Variants in ROBO2 observed in about 807,000 individuals in gnomAD.
The protein encoded by ROBO2 is roundabout guidance receptor 2.
ROBO2 carries 53 observed loss-of-function variants against 160.8 expected under a neutral mutation model. The observed-to-expected ratio is 0.33, with a 90% CI of 0.26 to 0.41. ROBO2 has a LOEUF of 0.41. ROBO2 is among the 10% of genes least tolerant of loss of function. The pLI is 1.00. For synonymous variants in ROBO2, 664 were observed against 611.7 expected, an observed-to-expected ratio of 1.09 and a Z score of -1.26; for missense variants, 1,577 against 1,722.4, an observed-to-expected ratio of 0.92 and a Z score of 1.49.
chr3:76,374,935 C>G (rs1214600914), intron 2 of ROBO2, among the ~76,000 whole-genome samples: 2 of 148,488 alleles, frequency 1.3e-5, no homozygotes, highest in African/African-American at 5.0e-5. Flanking sequence ...CGTACGCTTT[C>G]TTCTTCTTTT....
At chr3:77,090,583 T>C (rs1312307462) in intron 1 of ROBO2, among the ~76,000 whole-genome samples, 1 of 151,998 alleles carries the variant, frequency 6.6e-6, no homozygotes, top group African/African-American at 2.4e-5. Flanking sequence ...CTCGATCTCC[T>C]GACCTCGTGA....
At chr3:76,882,357 T>C (rs1028812566) in intron 2 of ROBO2, among the ~76,000 whole-genome samples, 2 of 152,146 alleles carry the variant, frequency 1.3e-5, no homozygotes. Flanking sequence ...ATTTCATGTG[T>C]TCCACAGCTG....
chr3:76,522,608 A>G (rs961166602), intron 2 of ROBO2, among the ~76,000 whole-genome samples: 4 of 152,144 alleles, frequency 2.6e-5, no homozygotes, highest in African/African-American at 4.8e-5. Flanking sequence ...CAACAATCCA[A>G]AGGAAACTAT....
intron 2 of ROBO2, among the ~76,000 whole-genome samples, chr3:77,314,535 A>G (rs1284639175): frequency 6.6e-6 from 1 of 152,202 alleles, no homozygotes; most frequent in African/African-American, 2.4e-5. Flanking sequence ...AAATTTATGC[A>G]TGAGATTCTG....
At chr3:77,446,609 T>G (rs2080547764) in intron 2 of ROBO2, among the ~76,000 whole-genome samples, 1 of 152,098 alleles carries the variant, frequency 6.6e-6, no homozygotes, top group South Asian at 2.1e-4. Context: ...AGACACTGTA[T>G]TTTTCTTATA....
intron 2 of ROBO2, among the ~76,000 whole-genome samples, chr3:77,451,716 C>CT (rs1261237669): frequency 2.0e-5 from 3 of 151,774 alleles, no homozygotes; most frequent in Admixed American, 6.6e-5. Context: ...TCTACTCTTT[C>CT]TTTTTTTTGT....
chr3:76,300,273 C>CTT (rs34823969), intron 2 of ROBO2, among the ~76,000 whole-genome samples: 19 of 150,794 alleles, frequency 1.3e-4, no homozygotes, highest in Admixed American at 2.7e-4. Flanking sequence ...CTGAATAGTT[C>CTT]TTTTTTTTTG....
At chr3:77,078,785 C>A (rs1401054522) in intron 1 of ROBO2, among the ~76,000 whole-genome samples, 1 of 152,150 alleles carries the variant, frequency 6.6e-6, no homozygotes, top group African/African-American at 2.4e-5. Flanking sequence ...GCCTCCCACA[C>A]CCCGCAACTC....
At chr3:77,606,213 A>C (rs775710) in intron 20 of ROBO2, among the ~76,000 whole-genome samples, 82,686 of 151,912 alleles carry the variant, frequency 0.54, 22,818 homozygotes, top group Middle Eastern at 0.68. Context: ...GATAGAGGAT[A>C]TGGGGGAAAA....
chr3:76,360,872 T>TA (rs1216642462), intron 2 of ROBO2, among the ~76,000 whole-genome samples: 8 of 152,108 alleles, frequency 5.3e-5, no homozygotes, highest in African/African-American at 1.9e-4. Flanking sequence ...ACATGAGGAT[T>TA]AAAGCCAAAC....
intron 2 of ROBO2, among the ~76,000 whole-genome samples, chr3:76,440,405 C>G (rs1331140644): frequency 3.3e-5 from 5 of 151,948 alleles, no homozygotes; most frequent in Non-Finnish European, 7.4e-5. Context: ...CCCCTCTCCC[C>G]CAACCCCACA....
intron 2 of ROBO2, among the ~76,000 whole-genome samples, chr3:76,641,208 C>T (rs1560288970): frequency 6.6e-6 from 1 of 152,104 alleles, no homozygotes; most frequent in Non-Finnish European, 1.5e-5. Context: ...AGATAAATAT[C>T]CACTACAAAC....
At chr3:76,196,790 C>T (rs1033773867) in intron 2 of ROBO2, among the ~76,000 whole-genome samples, 2 of 151,994 alleles carry the variant, frequency 1.3e-5, no homozygotes, top group Non-Finnish European at 2.9e-5. Flanking sequence ...GCTCATAAAG[C>T]CATAAATCAC....
intron 2 of ROBO2, among the ~76,000 whole-genome samples, chr3:76,105,634 T>C (rs13100135): frequency 6.6e-6 from 1 of 151,650 alleles, no homozygotes; most frequent in African/African-American, 2.4e-5. Flanking sequence ...GGGTGAGGAG[T>C]CTTTGTGCAG....
intron 1 of ROBO2, among the ~76,000 whole-genome samples, chr3:75,931,341 A>G (rs546855805): frequency 2.8e-4 from 42 of 152,238 alleles, no homozygotes; most frequent in South Asian, 8.3e-4. Flanking sequence ...TATAATCCAA[A>G]TTAATATTTC....
At chr3:76,726,722 G>A (rs1010068928) in intron 2 of ROBO2, among the ~76,000 whole-genome samples, 11 of 152,006 alleles carry the variant, frequency 7.2e-5, no homozygotes, top group African/African-American at 9.7e-5. Context: ...ATGTTATTGC[G>A]ACTTGTATTT....
chr3:76,920,674 G>A (rs1377986544), intron 2 of ROBO2, among the ~76,000 whole-genome samples: 1 of 152,184 alleles, frequency 6.6e-6, no homozygotes, highest in East Asian at 1.9e-4. Context: ...ACAGCAACAT[G>A]CCCTTTGGCA....
intron 16 of ROBO2, among the ~76,000 whole-genome samples, chr3:77,587,021 A>T (rs2094069209): frequency 6.6e-6 from 1 of 152,026 alleles, no homozygotes; most frequent in Admixed American, 6.6e-5. Context: ...CAGCTATAAT[A>T]AAAAAGCCTG....
intron 2 of ROBO2, among the ~76,000 whole-genome samples, chr3:76,918,266 T>A (rs1432691441): frequency 6.6e-6 from 1 of 152,134 alleles, no homozygotes; most frequent in Admixed American, 6.5e-5. Context: ...GTGAGTGAGT[T>A]CTCGTGAGAT....
Sources: gnomAD v4.1 joint callset for allele counts (sites outside exome capture counted in the v4.1 genomes callset) on GRCh38, gnomAD v4.1.1 for gene constraint, MANE v1.5 for transcripts, NCBI Gene and HGNC (gene_info 2026-07-23, HGNC 2026-07-21) for gene names.